Variants in SBF1 observed in about 807,000 individuals in gnomAD.
The protein encoded by SBF1 is SET binding factor 1, also known as myotubularin-related protein 5.
SBF1 carries 65 observed loss-of-function variants against 215.8 expected under a neutral mutation model. That is an observed-to-expected ratio of 0.30 (90% CI 0.25 to 0.37). The LOEUF (loss-of-function observed/expected upper bound fraction) is 0.37, where lower values mean the gene tolerates loss of function less well. SBF1 is among the 10% of genes least tolerant of loss of function. SBF1 has a pLI of 1.00. For missense variants in SBF1, 2,634 were observed against 2,667.8 expected (o/e 0.99, Z 0.28); for synonymous variants, 1,410 against 1,122.8 (o/e 1.26, Z -5.11).
In SBF1 at chr22:50,457,065, C is replaced by T. The variant is rs1369617421; in HGVS notation, c.3873G>A (p.Ala1291=). 11 of 1,472,824 alleles carry T rather than the reference C, an allele frequency of 7.5e-6. No individual in the cohort carries two copies. Among genetic ancestry groups the T allele is most frequent in the Non-Finnish European group, 5.4e-6 (6 of 1,118,316 alleles). The allele number at this position is 1,472,824 out of a possible 1,614,324, so 91.2% of individuals were successfully genotyped here. The change falls in exon 29 of 41, where the codon GCG becomes GCA. Residue 1291 remains alanine (A), a synonymous_variant. Transcript: ENST00000380817. ...ARVTTLSNPM[A]ASASRRTAPR... The stretch of plus-strand genomic sequence containing the variant: ...GTGCGGTCCGTCTGGAGGCCGAGGC[C>T]GCCATGGGGTTGGACAGCGTGGTGA...
intron 28 of SBF1, chr22:50,457,462 C>A: frequency 3.9e-6 from 1 of 258,226 alleles, no homozygotes; most frequent in Non-Finnish European, 7.3e-6. Context: ...ACTCAGGGGG[C>A]CAGGGCTTGT....
rs1442208426 is a variant in SBF1, at chr22:50,464,405, T to C, written c.1673A>G (p.Asn558Ser). 1.7e-5 allele frequency: 27 copies of C among 1,613,984 alleles called. No individual in the cohort carries two copies. Among genetic ancestry groups the C allele is most frequent in the East Asian group, 1.6e-4 (7 of 44,898 alleles). ...ILERCSGLHV[N>S]SARRLEVVRN... ...CACAACCTCCAGCCGCCGGGCGCTGTTGACATGCAGCCCACTGCACCGCTC... is the reference window on the plus strand; with the variant it reads ...CACAACCTCCAGCCGCCGGGCGCTGCTGACATGCAGCCCACTGCACCGCTC... Residue 558 changes from asparagine to serine, a missense_variant, in exon 15 of 41, where the codon AAC becomes AGC. By Grantham distance (46) the Asn-to-Ser change is conservative (BLOSUM62 1). Transcript: ENST00000380817.
Position 50,456,537 on chromosome 22 carries a change from C to T in SBF1, c.4041G>A (p.Pro1347=), listed in dbSNP as rs560672186. Reference sequence around the variant, plus strand: ...CAAGGATATAGAGGGCTGCTCGCTGCGGACGCAGGAAGCCCGGGTCGGGAG... The same window carrying T: ...CAAGGATATAGAGGGCTGCTCGCTGTGGACGCAGGAAGCCCGGGTCGGGAG... ...GGPPDPGFLR[P]QRAALYILGD... is the part of the protein sequence containing the mutation. The change falls in exon 30 of 41, where the codon CCG becomes CCA. Residue 1347 remains proline (P), a synonymous_variant. Coordinates refer to ENST00000380817, the MANE Select transcript of SBF1 (RefSeq NM_002972.4). 5.2e-5 allele frequency: 82 copies of T among 1,577,278 alleles called. No individual in the cohort carries two copies. The highest frequency in any genetic ancestry group is 6.6e-5 in the Non-Finnish European group (77 of 1,161,526).
At position 50,467,142 on chromosome 22, in the gene SBF1, G is replaced by A. The variant is rs7290903; in HGVS notation, c.549+196C>T. 8.5e-4 allele frequency: 508 copies of A among 600,986 alleles called. 2 individuals carry two copies. Among genetic ancestry groups the A allele is most frequent in the African/African-American group, 7.2e-3 (386 of 53,910 alleles). The allele number at this position is 600,986 out of a possible 1,614,324, so 37.2% of individuals were successfully genotyped here. On this transcript the variant is annotated intron_variant, in intron 5 of 40. Transcript: ENST00000380817. ...AAAGGAGTGGACAGAGAGGCTGAAC[G>A]ACACAGGCCCAGAGCACAGGTGCGA...
intron 38 of SBF1, among the ~76,000 whole-genome samples, chr22:50,447,901 C>G (rs1177200043): frequency 6.6e-6 from 1 of 152,252 alleles, no homozygotes. Context: ...GGGAAAGCAG[C>G]CCCCTACACA....
rs533778022 is a variant in SBF1, at chr22:50,460,041, A to T, written c.3402T>A (p.Gly1134=). ...RACCRDYQRL[G]LGTLSSSLSR... ...TCAGGCTGCTGCTCAGGGTGCCCAGACCGAGGCGCTGGTAGTCGCGACAGC... is the reference window on the plus strand; with the variant it reads ...TCAGGCTGCTGCTCAGGGTGCCCAGTCCGAGGCGCTGGTAGTCGCGACAGC... Residue 1134 remains glycine, a synonymous_variant, in exon 26 of 41, where the codon GGT becomes GGA. Transcript: ENST00000380817. 3 of 1,613,976 alleles carry T rather than the reference A, an allele frequency of 1.9e-6. No homozygotes were observed. In the South Asian group the frequency reaches 3.3e-5, roughly 18 times the overall value.
At chr22:50,465,473 C>A in intron 10 of SBF1, 145 bp from the exon 11 acceptor site, 1 of 734,186 alleles carries the variant, frequency 1.4e-6, no homozygotes, top group South Asian at 1.8e-5. Flanking sequence ...CTCAGGGCCA[C>A]CAGCTCCTCT....
intron 26 of SBF1, 97 bp downstream of exon 26, chr22:50,459,855 C>A: frequency 6.8e-7 from 1 of 1,467,728 alleles, no homozygotes. Flanking sequence ...CCTCCACATT[C>A]CTTACATGAC....
At chr22:50,458,198 G>C (rs886181649) in intron 28 of SBF1, among the ~76,000 whole-genome samples, 10 of 152,114 alleles carry the variant, frequency 6.6e-5, no homozygotes, top group Admixed American at 2.0e-4. Flanking sequence ...CCAGCTACTC[G>C]GGAGGCTGAG....
chr22:50,470,428 T>C (rs2067955502), intron 1 of SBF1, among the ~76,000 whole-genome samples: 1 of 152,102 alleles, frequency 6.6e-6, no homozygotes, highest in Admixed American at 6.5e-5. Context: ...TTAAGTCCTC[T>C]GCAGGGCTCT....
intron 36 of SBF1, among the ~76,000 whole-genome samples, chr22:50,449,517 A>C (rs1165396043): frequency 6.6e-6 from 1 of 151,862 alleles, no homozygotes; most frequent in Non-Finnish European, 1.5e-5. Context: ...CAGGAAGCTG[A>C]GGCAGGAGAA....
chr22:50,466,924 G>A (rs1405376416), intron 5 of SBF1: 5 of 566,464 alleles, frequency 8.8e-6, no homozygotes, highest in Non-Finnish European at 1.6e-5. Flanking sequence ...GGCTGCTTTT[G>A]ACTTGGGGGT....
intron 26 of SBF1, 73 bp downstream of exon 26, chr22:50,459,879 C>T (rs2067427449): frequency 1.9e-6 from 3 of 1,546,494 alleles, no homozygotes; most frequent in Admixed American, 1.7e-5. Flanking sequence ...AAGCCGTGGC[C>T]CAGGCCCACA....
chr22:50,467,308 G>C (rs750813284), intron 5 of SBF1, 30 bp downstream of exon 5: 1 of 1,575,838 alleles, frequency 6.3e-7, no homozygotes, highest in Non-Finnish European at 8.7e-7. Context: ...GCCTGTGGCT[G>C]TGCAGATACC....
Position 50,446,677 on chromosome 22 carries a change from A to G in SBF1, c.*465T>C. 2.6e-6 allele frequency: 1 copy of G among 380,198 alleles called. No homozygotes were observed. Among genetic ancestry groups the G allele is most frequent in the Non-Finnish European group, 5.2e-6 (1 of 190,528 alleles). The allele number at this position is 380,198 out of a possible 1,614,324, so 23.6% of individuals were successfully genotyped here. On this transcript the variant is annotated 3_prime_UTR_variant, in exon 41 of 41. Coordinates refer to ENST00000380817, the MANE Select transcript of SBF1 (RefSeq NM_002972.4). The stretch of plus-strand genomic sequence containing the variant: ...CATGCAGGCCGAGCTGGGTGGACCC[A>G]GGCACCAGGAGAGGCTCACGAGAAA...
At chr22:50,472,442 G>A (rs1390298243) in intron 1 of SBF1, among the ~76,000 whole-genome samples, 1 of 152,168 alleles carries the variant, frequency 6.6e-6, no homozygotes, top group Non-Finnish European at 1.5e-5. Flanking sequence ...ACAGAACAGA[G>A]AGGATCCTCT....
chr22:50,469,844 G>A (rs1036954927), intron 1 of SBF1, among the ~76,000 whole-genome samples: 4 of 151,768 alleles, frequency 2.6e-5, no homozygotes, highest in South Asian at 2.1e-4. Context: ...CACACTCCAC[G>A]GGTCCCCTAC....
In SBF1 at chr22:50,459,484, T is replaced by C. The variant is rs1453439313; in HGVS notation, c.3674A>G (p.Asn1225Ser). The C allele has an allele frequency of 6.2e-7, 1 of 1,610,368 alleles. No homozygotes were observed. The highest frequency in any genetic ancestry group is 2.2e-5 in the East Asian group (1 of 44,894). Reference sequence around the variant, plus strand: ...GCAGGAGGTACCTGGAGAAGGTGCGTTCTGGGCCTTGAAGAGGCCGACGAC... The same window carrying C: ...GCAGGAGGTACCTGGAGAAGGTGCGCTCTGGGCCTTGAAGAGGCCGACGAC... ...KGVVGLFKAQ[N>S]APSPGQSQAD... The change falls in exon 27 of 41, where the codon AAC becomes AGC. Residue 1225 changes from asparagine (N) to serine (S), a missense_variant. Physicochemically the swap from Asn to Ser is conservative, Grantham distance 46. Transcript: ENST00000380817.
chr22:50,461,760 C>A (rs1392323034), intron 21 of SBF1, 36 bp downstream of exon 21: 2 of 1,611,176 alleles, frequency 1.2e-6, no homozygotes, highest in Non-Finnish European at 1.7e-6. Context: ...GCAGCCCGGG[C>A]CTTGGGCCCC....
Sources: allele counts gnomAD v4.1 joint callset (sites outside exome capture counted in the v4.1 genomes callset), GRCh38; gene constraint gnomAD v4.1.1; transcripts MANE v1.5; gene names NCBI Gene and HGNC (gene_info 2026-07-23, HGNC 2026-07-21).